Variants in CLNK observed in about 807,000 individuals in gnomAD.
CLNK encodes cytokine dependent hematopoietic cell linker.
Under a neutral mutation model 68.6 loss-of-function variants are expected in CLNK, and 74 were observed. The ratio of observed to expected loss-of-function variants is 1.08; its 90% CI spans 0.89 to 1.31. The LOEUF (loss-of-function observed/expected upper bound fraction) is 1.31. Ranked by LOEUF, CLNK falls within the 50% of genes most tolerant of loss-of-function variation. CLNK has a pLI of 0.00. For missense variants in CLNK, 553 were observed against 515.3 expected, an observed-to-expected ratio of 1.07 and a Z score of -0.71; for synonymous variants, 198 against 172.2, an observed-to-expected ratio of 1.15 and a Z score of -1.17.
chr4:10,522,908 G>A lies in CLNK; in HGVS notation c.732-2077C>T, dbSNP rs138516573. On this transcript the variant is annotated intron_variant, in intron 14 of 18. Coordinates refer to ENST00000226951, the MANE Select transcript of CLNK (RefSeq NM_052964.4). ...CCCCTGAAGCATGAATAGGAGTAAG[G>A]GTGTATTCCAGGCAGGTAGAGCAGC... Among the ~76,000 whole-genome samples the A allele has an allele frequency of 2.0e-4, 30 of 152,314 alleles. No homozygotes were observed. In the East Asian group the frequency reaches 5.2e-3, roughly 26 times the overall value.
At chr4:10,700,153 T>C in the CLNK span, among the ~76,000 whole-genome samples, 14 of 152,094 alleles carry the variant, frequency 9.2e-5, no homozygotes, top group African/African-American at 3.4e-4. Context: ...AGCTATGGAA[T>C]AAGGCATAAT....
chr4:10,556,265 T>C (rs531982123), intron 8 of CLNK, among the ~76,000 whole-genome samples: 14 of 152,354 alleles, frequency 9.2e-5, no homozygotes, highest in African/African-American at 3.4e-4. Context: ...TTGATTCCCT[T>C]TTTGCTTAGA....
intron 4 of CLNK, among the ~76,000 whole-genome samples, chr4:10,572,299 C>T (rs1035977795): frequency 4.6e-5 from 7 of 152,278 alleles, no homozygotes; most frequent in South Asian, 2.1e-4. Context: ...CATAAGACCC[C>T]GTATTGAACA....
intron 16 of CLNK, 38 bp from the exon 17 acceptor site, chr4:10,508,074 A>G (rs757219332): frequency 2.0e-6 from 3 of 1,507,790 alleles, no homozygotes; most frequent in Admixed American, 1.9e-5. Flanking sequence ...TTTAGGGTCA[A>G]TGGGAAGTAT....
chr4:10,490,307 C>G lies in CLNK; in HGVS notation c.*160G>C. 2 of 590,184 alleles carry G rather than the reference C, an allele frequency of 3.4e-6. No homozygotes were observed. The highest frequency in any genetic ancestry group is 1.3e-4 in the South Asian group (2 of 15,494). The allele number at this position is 590,184 out of a possible 1,614,324, so 36.6% of individuals were successfully genotyped here. ...ATATTTTCTCTGTGGTTTGAACTTT[C>G]AAAACCGTGAGTGATTTTCCACTCT... On this transcript the variant is annotated 3_prime_UTR_variant, in exon 19 of 19. Transcript: ENST00000226951.
At chr4:10,705,844 G>T in the CLNK span, among the ~76,000 whole-genome samples, 1 of 152,258 alleles carries the variant, frequency 6.6e-6, no homozygotes, top group South Asian at 2.1e-4. Flanking sequence ...CAGGCACTAC[G>T]CACAAAATCA....
At chr4:10,671,096 G>C (rs1043510031) in intron 1 of CLNK, among the ~76,000 whole-genome samples, 2 of 152,168 alleles carry the variant, frequency 1.3e-5, no homozygotes, top group Non-Finnish European at 2.9e-5. Context: ...TTAAAAAGCA[G>C]AATTTGAGGC....
intron 2 of CLNK, among the ~76,000 whole-genome samples, chr4:10,612,489 C>A (rs1056416276): frequency 6.6e-6 from 1 of 152,198 alleles, no homozygotes; most frequent in African/African-American, 2.4e-5. Context: ...GGAGGAAAAG[C>A]CCAGGGAGGC....
chr4:10,642,359 T>C (rs946499159), intron 2 of CLNK, among the ~76,000 whole-genome samples: 10 of 152,122 alleles, frequency 6.6e-5, no homozygotes, highest in African/African-American at 2.2e-4. Context: ...CAGGAAACAA[T>C]GCAAAGGAGA....
the CLNK span, among the ~76,000 whole-genome samples, chr4:10,704,336 G>A: frequency 3.3e-5 from 5 of 152,070 alleles, no homozygotes; most frequent in Non-Finnish European, 7.4e-5. Context: ...TTCTTATGTT[G>A]TCATTGGGGT....
intron 16 of CLNK, among the ~76,000 whole-genome samples, chr4:10,509,491 T>C (rs548935464): frequency 6.6e-6 from 1 of 151,642 alleles, no homozygotes; most frequent in Non-Finnish European, 1.5e-5. Flanking sequence ...AGCTCAGGCA[T>C]TCTTTTGCAT....
intron 2 of CLNK, among the ~76,000 whole-genome samples, chr4:10,601,512 A>G (rs942396892): frequency 5.9e-5 from 9 of 152,230 alleles, no homozygotes; most frequent in Non-Finnish European, 1.3e-4. Flanking sequence ...GATTTTAGAG[A>G]AACTTTTAAA....
upstream of CLNK, among the ~76,000 whole-genome samples, chr4:10,686,379 G>A (rs555002150): frequency 3.9e-5 from 6 of 151,982 alleles, no homozygotes; most frequent in African/African-American, 1.5e-4. Context: ...GGACGTATTC[G>A]ACCCATAACA....
At chr4:10,559,380 T>C (rs1335413591) in intron 7 of CLNK, among the ~76,000 whole-genome samples, 45 of 152,176 alleles carry the variant, frequency 3.0e-4, no homozygotes, top group Admixed American at 2.9e-3. Flanking sequence ...GGTTGAGTGT[T>C]GGTTGGATTA....
the CLNK span, among the ~76,000 whole-genome samples, chr4:10,699,496 A>C: frequency 0.047 from 902 of 19,224 alleles, 13 homozygotes; most frequent in African/African-American, 0.1. Context: ...CTCTCTCTCT[A>C]TATATATATA....
chr4:10,601,398 A>T (rs1721587083), intron 2 of CLNK, among the ~76,000 whole-genome samples: 1 of 152,216 alleles, frequency 6.6e-6, no homozygotes, highest in South Asian at 2.1e-4. Flanking sequence ...ATAAAGAGCC[A>T]TCTACCTAGA....
chr4:10,551,221 AT>A (rs1719437701), intron 8 of CLNK, among the ~76,000 whole-genome samples: 1 of 152,076 alleles, frequency 6.6e-6, no homozygotes, highest in South Asian at 2.1e-4. Flanking sequence ...CTACTGTTCA[AT>A]TTGTGGTAAA....
At chr4:10,640,629 A>T (rs1054222993) in intron 2 of CLNK, among the ~76,000 whole-genome samples, 5 of 152,172 alleles carry the variant, frequency 3.3e-5, no homozygotes, top group Admixed American at 6.5e-5. Context: ...CCTTAACAAA[A>T]TGTGGATCCT....
chr4:10,622,094 G>C (rs1438818749), intron 2 of CLNK, among the ~76,000 whole-genome samples: 1 of 152,188 alleles, frequency 6.6e-6, no homozygotes, highest in East Asian at 1.9e-4. Flanking sequence ...TTGGAAATTT[G>C]AGTTCTTAAA....
Sources: allele counts gnomAD v4.1 joint callset (sites outside exome capture counted in the v4.1 genomes callset), GRCh38; gene constraint gnomAD v4.1.1; transcripts MANE v1.5; gene names NCBI Gene and HGNC (gene_info 2026-07-23, HGNC 2026-07-21).